Variants in CFAP46 observed in about 807,000 individuals in gnomAD.
CFAP46 encodes the protein cilia- and flagella-associated protein 46.
Under a neutral mutation model 325.7 loss-of-function variants are expected in CFAP46, and 245 were observed. The ratio of observed to expected loss-of-function variants is 0.75; its 90% confidence interval spans 0.68 to 0.84. The LOEUF (loss-of-function observed/expected upper bound fraction) is 0.84. Among genes scored for constraint, CFAP46 ranks in the 40% least tolerant of loss-of-function variants. CFAP46 has a pLI of 0.00. For synonymous variants in CFAP46, 1,523 were observed against 1,495.9 expected (o/e 1.02, Z -0.42); for missense variants, 3,346 against 3,543.0 (o/e 0.94, Z 1.41).
Position 132,879,527 on chromosome 10 carries a change from C to G in CFAP46, c.3904G>C (p.Ala1302Pro). ...AGGGCCAGCAGGATGTGCACGCGGG[C>G]CAGCGCCTCCAGCTGCCGCACGCTA... Reference protein sequence around the residue: ...LRSVRQLEALARVHILLALVL... With the variant: ...LRSVRQLEALPRVHILLALVL... The change falls in exon 29 of 58, where the codon GCC (alanine) becomes CCC (proline). Residue 1302 changes from alanine to proline, a missense_variant. Coordinates refer to ENST00000368586, the MANE Select transcript of CFAP46 (RefSeq NM_001200049.3). 6.5e-7 allele frequency: 1 copy of G among 1,547,232 alleles called. No individual in the cohort carries two copies. The highest frequency in any genetic ancestry group is 2.0e-4 in the Middle Eastern group (1 of 5,056).
chr10:132,916,981 C>T lies in CFAP46; in HGVS notation c.1987-299G>A, dbSNP rs535967608. 3.3e-4 allele frequency among the ~76,000 whole-genome samples: 50 copies of T among 152,356 alleles called. No homozygotes were observed. In the East Asian group the frequency reaches 6.8e-3, roughly 21 times the overall value. On this transcript the variant is annotated intron_variant, in intron 16 of 57. Transcript: ENST00000368586. ...ACCAACAGTGGCTTCCCGGTATCAG[C>T]AGACACCGGCCAGCATTTGCACCTC... is the stretch of plus-strand genomic sequence containing the variant.
At chr10:132,815,993 C>T (rs1461937717) in intron 50 of CFAP46, among the ~76,000 whole-genome samples, 1 of 152,174 alleles carries the variant, frequency 6.6e-6, no homozygotes, top group Non-Finnish European at 1.5e-5. Flanking sequence ...TCAGTGAAAA[C>T]ATGGAAAAAC....
At chr10:132,861,984 G>A (rs1468839760) in intron 35 of CFAP46, among the ~76,000 whole-genome samples, 2 of 152,232 alleles carry the variant, frequency 1.3e-5, no homozygotes, top group African/African-American at 4.8e-5. Flanking sequence ...CAGCCACTAG[G>A]GAGGCATGCC....
In CFAP46 at chr10:132,847,409, C is replaced by T. The variant is rs932788593; in HGVS notation, c.5953-88G>A. ...GCCCACCCAGGGAGGCCGGGGTGGT[C>T]GGGCTCCTCAGCAGGGTCCCCGGGT... On this transcript the variant is annotated intron_variant, in intron 41 of 57. Coordinates refer to ENST00000368586, the MANE Select transcript of CFAP46 (RefSeq NM_001200049.3). This position sits in a 1 kb window ranked among gnomAD's most constrained non-coding sequence, Gnocchi z 5.2. 7 of 1,541,766 alleles carry T rather than the reference C, an allele frequency of 4.5e-6. No homozygotes were observed. In the East Asian group the frequency reaches 9.0e-5, roughly 20 times the overall value.
intron 3 of CFAP46, 51 bp downstream of exon 3, chr10:132,941,540 A>T: frequency 6.3e-7 from 1 of 1,582,714 alleles, no homozygotes; most frequent in South Asian, 1.2e-5. Context: ...TGCTCTGGAG[A>T]TGGGGTGAAA....
intron 19 of CFAP46, among the ~76,000 whole-genome samples, chr10:132,910,312 T>G (rs971677791): frequency 3.0e-4 from 45 of 152,314 alleles, no homozygotes; most frequent in South Asian, 8.3e-4. Flanking sequence ...ACTCCTGAGC[T>G]GTCCCCACGG....
chr10:132,835,556 CCCTT>C, intron 46 of CFAP46, 122 bp from the exon 47 acceptor site: 1 of 1,284,076 alleles, frequency 7.8e-7, no homozygotes, highest in Non-Finnish European at 1.1e-6. Context: ...GGATGGAAGT[CCCTT>C]CCTTCATGTG....
chr10:132,935,975 C>A (rs1564806348), intron 7 of CFAP46, among the ~76,000 whole-genome samples: 1 of 74,254 alleles, frequency 1.3e-5, no homozygotes, highest in Admixed American at 1.1e-4. Flanking sequence ...ACTCCCCTCA[C>A]ATCCAAACAC....
At chr10:132,929,574 A>T (rs751257901) in intron 9 of CFAP46, 131 bp downstream of exon 9, 1 of 866,932 alleles carries the variant, frequency 1.2e-6, no homozygotes, top group South Asian at 1.3e-5. Context: ...GAAAGACGGC[A>T]ATGTGCCAAC....
chr10:132,826,250 G>A (rs28520369), intron 50 of CFAP46, among the ~76,000 whole-genome samples: 39 of 93,792 alleles, frequency 4.2e-4, no homozygotes, highest in East Asian at 7.2e-4. Flanking sequence ...CCGGAGCCAC[G>A]GAGACCAGCC....
At chr10:132,899,261 C>A in intron 23 of CFAP46, 140 bp from the exon 24 acceptor site, 1 of 1,048,066 alleles carries the variant, frequency 9.5e-7, no homozygotes, top group Non-Finnish European at 1.3e-6. Flanking sequence ...GCTCAGGAGT[C>A]CCTGCTGCAT....
At position 132,920,135 on chromosome 10, in the gene CFAP46, C is replaced by A. The variant is rs1034190113; in HGVS notation, c.1654G>T (p.Ala552Ser). ...RGRFTYLCAK[A>S]WHHTVSVDKA... Reference sequence around the variant, plus strand: ...TCCACGCTGACGGTGTGGTGCCACGCCTTCGCACAGAGGTAGGTGAACCGG... The same window carrying A: ...TCCACGCTGACGGTGTGGTGCCACGACTTCGCACAGAGGTAGGTGAACCGG... Residue 552 changes from alanine (A) to serine (S), a missense_variant, in exon 14 of 58, where the codon GCG becomes TCG. Ala to Ser is a moderately conservative substitution (Grantham distance 99, BLOSUM62 1). Transcript: ENST00000368586. 1.3e-6 allele frequency: 2 copies of A among 1,549,016 alleles called. No individual in the cohort carries two copies. Among genetic ancestry groups the A allele is most frequent in the Admixed American group, 3.9e-5 (2 of 50,672 alleles).
chr10:132,897,912 C>T (rs1849339499), intron 24 of CFAP46, among the ~76,000 whole-genome samples: 1 of 152,224 alleles, frequency 6.6e-6, no homozygotes, highest in Admixed American at 6.5e-5. Context: ...AAGAAGCTGC[C>T]TTGGGCATGC....
chr10:132,904,727 G>A (rs771687705), intron 22 of CFAP46, among the ~76,000 whole-genome samples: 12 of 152,286 alleles, frequency 7.9e-5, no homozygotes, highest in East Asian at 1.9e-4. Flanking sequence ...CCTCTATGAC[G>A]CTGTCTTTGT....
chr10:132,824,418 TGTGA>T (rs1847985476), intron 50 of CFAP46, among the ~76,000 whole-genome samples: 1 of 135,916 alleles, frequency 7.4e-6, no homozygotes, highest in African/African-American at 2.8e-5. Context: ...TTGTGTGCTG[TGTGA>T]GTGCTGATGT....
intron 8 of CFAP46, among the ~76,000 whole-genome samples, chr10:132,933,074 C>T (rs746966090): frequency 7.2e-5 from 11 of 152,246 alleles, no homozygotes; most frequent in Non-Finnish European, 1.2e-4. Context: ...ACACAATTGG[C>T]GGCTGCTGGC....
At chr10:132,820,436 CAGCGCTGATGTGTGCTGTGTG>C (rs1272525854) in intron 50 of CFAP46, among the ~76,000 whole-genome samples, 1 of 152,200 alleles carries the variant, frequency 6.6e-6, no homozygotes, top group Non-Finnish European at 1.5e-5. Context: ...AAAGGGTACA[CAGCGCTGATGTGTGCTGTGTG>C]AGCACTGATG....
intron 49 of CFAP46, among the ~76,000 whole-genome samples, 196 bp from the exon 50 acceptor site, chr10:132,833,721 C>T (rs3750585): frequency 0.45 from 68,156 of 152,080 alleles, 15,559 homozygotes; most frequent in Admixed American, 0.54. Context: ...TCCCTCCACA[C>T]GATTCTTTTT....
chr10:132,920,069 C>A lies in CFAP46; in HGVS notation c.1720G>T (p.Asp574Tyr). The A allele has an allele frequency of 6.5e-7, 1 of 1,545,084 alleles. No individual in the cohort carries two copies. Among genetic ancestry groups the A allele is most frequent in the South Asian group, 1.2e-5 (1 of 83,356 alleles). Residue 574 changes from aspartate to tyrosine, a missense_variant, in exon 14 of 58, where the codon GAC (aspartate) becomes TAC (tyrosine). By Grantham distance (160) the Asp-to-Tyr change is radical. Coordinates refer to ENST00000368586, the MANE Select transcript of CFAP46 (RefSeq NM_001200049.3). Reference protein sequence around the residue: ...GHLRRLGNENDKERIQIWAEL... With the variant: ...GHLRRLGNENYKERIQIWAEL... The stretch of plus-strand genomic sequence containing the variant: ...CTTTTCCTCACTCACCTCTCCTTGT[C>A]GTTTTCGTTGCCCAGGCGCCGCAGG...
Sources: gnomAD v4.1 joint callset for allele counts (sites outside exome capture counted in the v4.1 genomes callset) on GRCh38, gnomAD v4.1.1 for gene constraint, Gnocchi (gnomAD v3.1) non-coding constraint, MANE v1.5 for transcripts, NCBI Gene and HGNC (gene_info 2026-07-23, HGNC 2026-07-21) for gene names.